WWOX: variants seen among roughly 807,000 people sequenced by gnomAD.
WWOX encodes the protein WW domain containing oxidoreductase, also known as WW domain-containing oxidoreductase.
In WWOX, 69 loss-of-function variants were observed where a neutral mutation model predicts 46.2. That is an observed-to-expected ratio of 1.49 (90% confidence interval 1.23 to 1.82). The LOEUF is 1.82. Among genes scored for constraint, WWOX ranks in the 40% most tolerant of loss-of-function variants. WWOX has a pLI of 0.00. For missense variants in WWOX, 919 were observed against 542.6 expected, an observed-to-expected ratio of 1.69 and a Z score of -6.89; for synonymous variants, 359 against 202.6, an observed-to-expected ratio of 1.77 and a Z score of -6.56.
intron 8 of WWOX, among the ~76,000 whole-genome samples, chr16:78,830,570 C>G (rs764098903): frequency 3.3e-5 from 5 of 151,984 alleles, no homozygotes; most frequent in Non-Finnish European, 5.9e-5. Context: ...TCTTTCACCT[C>G]TAGGAGATAT....
chr16:78,530,893 C>G (rs2043605808), intron 8 of WWOX, among the ~76,000 whole-genome samples: 1 of 152,184 alleles, frequency 6.6e-6, no homozygotes. Context: ...TTTTACAACA[C>G]ATTATCTCAC....
intron 8 of WWOX, among the ~76,000 whole-genome samples, chr16:79,187,254 A>G (rs1436372585): frequency 6.6e-6 from 1 of 152,210 alleles, no homozygotes; most frequent in Non-Finnish European, 1.5e-5. Context: ...ATAGTTTTTG[A>G]GAAAGCTAAA....
At chr16:78,236,006 C>A (rs1009801550) in intron 5 of WWOX, among the ~76,000 whole-genome samples, 2 of 152,288 alleles carry the variant, frequency 1.3e-5, no homozygotes, top group East Asian at 1.9e-4. Context: ...TCTCCTGTTA[C>A]AGCAGGAAAG....
At chr16:78,192,571 A>G (rs778347374) in intron 5 of WWOX, among the ~76,000 whole-genome samples, 16 of 152,068 alleles carry the variant, frequency 1.1e-4, no homozygotes, top group Non-Finnish European at 8.8e-5. Flanking sequence ...ATACGTGAAC[A>G]TATGTGGCAC....
At chr16:78,106,059 C>G (rs879742201) in intron 1 of WWOX, among the ~76,000 whole-genome samples, 16 of 152,216 alleles carry the variant, frequency 1.1e-4, no homozygotes, top group Non-Finnish European at 1.9e-4. Flanking sequence ...GCCTCGGCCT[C>G]CCAAAGTGCT....
chr16:78,973,131 A>G (rs545864621), intron 8 of WWOX, among the ~76,000 whole-genome samples: 8 of 152,320 alleles, frequency 5.3e-5, no homozygotes, highest in African/African-American at 1.9e-4. Flanking sequence ...CTTCCCGTAT[A>G]AGGTGGGGTT....
At chr16:78,801,465 T>A (rs533718030) in intron 8 of WWOX, among the ~76,000 whole-genome samples, 8 of 152,284 alleles carry the variant, frequency 5.3e-5, no homozygotes, top group Non-Finnish European at 1.0e-4. Flanking sequence ...GCTGATATCA[T>A]GTCACCGCAC....
At chr16:79,039,196 C>A (rs982479548) in intron 8 of WWOX, among the ~76,000 whole-genome samples, 2 of 152,118 alleles carry the variant, frequency 1.3e-5, no homozygotes, top group Non-Finnish European at 2.9e-5. Context: ...GAACCCAGGA[C>A]TTTGCGTTGC....
intron 5 of WWOX, chr16:78,355,942 T>G (rs1172524542): frequency 1.7e-5 from 4 of 235,588 alleles, no homozygotes; most frequent in Non-Finnish European, 3.4e-5. Flanking sequence ...TATTAAGAAA[T>G]AATTCTGGGG....
chr16:78,218,791 G>T (rs1234475701), intron 5 of WWOX, among the ~76,000 whole-genome samples: 1 of 152,258 alleles, frequency 6.6e-6, no homozygotes, highest in Non-Finnish European at 1.5e-5. Flanking sequence ...CGGTGCGCAT[G>T]TAAGTTTACG....
At chr16:79,006,218 C>G (rs74032480) in intron 8 of WWOX, among the ~76,000 whole-genome samples, 4,569 of 152,278 alleles carry the variant, frequency 0.03, 230 homozygotes, top group African/African-American at 0.1. Flanking sequence ...ACTTCCCAGT[C>G]TTTAAGGATA....
chr16:78,535,500 C>T (rs376892816), intron 8 of WWOX: 1 of 152,160 alleles, frequency 6.6e-6, no homozygotes, highest in Non-Finnish European at 1.5e-5. Context: ...CTTCCCCCTC[C>T]CATTACCTTG....
intron 8 of WWOX, among the ~76,000 whole-genome samples, chr16:78,835,274 A>G (rs564986128): frequency 3.9e-5 from 6 of 152,336 alleles, no homozygotes; most frequent in African/African-American, 1.4e-4. Flanking sequence ...ATTATTTACT[A>G]TTTTAGTCTG....
intron 8 of WWOX, among the ~76,000 whole-genome samples, chr16:78,624,490 A>G (rs1035266684): frequency 1.3e-5 from 2 of 152,146 alleles, no homozygotes; most frequent in African/African-American, 4.8e-5. Context: ...AAACCATTCA[A>G]ATCTTTCCCT....
chr16:78,138,958 A>G (rs1329081908), intron 4 of WWOX, among the ~76,000 whole-genome samples: 2 of 152,176 alleles, frequency 1.3e-5, no homozygotes, highest in East Asian at 3.9e-4. Context: ...CCTCTGATGC[A>G]GACAACCCGT....
intron 6 of WWOX, among the ~76,000 whole-genome samples, chr16:78,390,448 A>C (rs953757316): frequency 1.3e-5 from 2 of 152,304 alleles, no homozygotes; most frequent in Non-Finnish European, 2.9e-5. Context: ...GAATTTTAGA[A>C]AGTACTTCTA....
chr16:78,379,648 A>G (rs1010981195), intron 5 of WWOX, among the ~76,000 whole-genome samples: 4 of 152,226 alleles, frequency 2.6e-5, no homozygotes, highest in African/African-American at 9.6e-5. Context: ...CATGCTCCGT[A>G]AGACCCAACA....
chr16:78,630,278 T>G (rs985692996), intron 8 of WWOX, among the ~76,000 whole-genome samples: 3 of 152,230 alleles, frequency 2.0e-5, no homozygotes, highest in Admixed American at 1.3e-4. Flanking sequence ...TACAGCAGAC[T>G]GTCGCAAGCT....
At position 78,815,445 on chromosome 16, in the gene WWOX, G is replaced by A. The variant is rs180847473; in HGVS notation, c.1056+382693G>A. Among the ~76,000 whole-genome samples, 18 of 152,178 alleles carry A rather than the reference G, an allele frequency of 1.2e-4. 1 individual carries two copies. In the East Asian group the frequency reaches 3.1e-3, roughly 26 times the overall value. ...TTGCTGTTTCCTTAAACCCTGCACC[G>A]ACCTTTACAAACAGTGCCTTTACTA... On this transcript the variant is annotated intron_variant, in intron 8 of 8. Transcript: ENST00000566780.
Sources: gnomAD v4.1 joint callset for allele counts (sites outside exome capture counted in the v4.1 genomes callset) on GRCh38, gnomAD v4.1.1 for gene constraint, MANE v1.5 for transcripts, NCBI Gene and HGNC (gene_info 2026-07-23, HGNC 2026-07-21) for gene names.